ZFAND6: variants seen among roughly 807,000 people sequenced by gnomAD.
ZFAND6 encodes the protein zinc finger AN1-type containing 6.
Under a neutral mutation model 24.5 loss-of-function variants are expected in ZFAND6, and 12 were observed. The observed-to-expected ratio is 0.49, with a 90% confidence interval of 0.31 to 0.79. ZFAND6 has a LOEUF of 0.79. ZFAND6 is among the 30% of genes least tolerant of loss of function. The pLI is 0.04. For synonymous variants in ZFAND6, 92 were observed against 81.5 expected (o/e 1.13, Z -0.69); for missense variants, 207 against 245.9 (o/e 0.84, Z 1.06).
chr15:80,121,970 C>A, intron 4 of ZFAND6, 150 bp downstream of exon 4: 1 of 646,586 alleles, frequency 1.5e-6, no homozygotes, highest in Non-Finnish European at 2.5e-6. Flanking sequence ...TTAGAAAAAG[C>A]GATTTCTTGC....
At chr15:80,115,326 TA>T (rs1342710255) in intron 2 of ZFAND6, among the ~76,000 whole-genome samples, 2 of 152,202 alleles carry the variant, frequency 1.3e-5, no homozygotes, top group Non-Finnish European at 2.9e-5. Flanking sequence ...CTTCAATTCA[TA>T]GGCTTTTGTT....
intron 6 of ZFAND6, among the ~76,000 whole-genome samples, chr15:80,136,123 CAA>C (rs532411226): frequency 8.0e-4 from 94 of 117,698 alleles, no homozygotes; most frequent in Admixed American, 7.8e-4. Context: ...GACCCTGTGT[CAA>C]AAAAAAAAAA....
At chr15:80,086,684 A>T (rs1389045122) in intron 1 of ZFAND6, among the ~76,000 whole-genome samples, 1 of 152,144 alleles carries the variant, frequency 6.6e-6, no homozygotes, top group Non-Finnish European at 1.5e-5. Flanking sequence ...AAAATTTACC[A>T]TTTAAACTGT....
chr15:80,092,891 G>C (rs1184228978), intron 1 of ZFAND6, among the ~76,000 whole-genome samples: 1 of 151,664 alleles, frequency 6.6e-6, no homozygotes, highest in Non-Finnish European at 1.5e-5. Flanking sequence ...AAGTCTTTTG[G>C]TCTCAAAATA....
intron 2 of ZFAND6, chr15:80,111,416 C>G (rs1388517838): frequency 9.3e-6 from 4 of 428,744 alleles, no homozygotes. Flanking sequence ...AGTCAGTCTT[C>G]CTTATTGACA....
intron 1 of ZFAND6, among the ~76,000 whole-genome samples, chr15:80,085,802 C>T (rs2037959927): frequency 6.6e-6 from 1 of 152,002 alleles, no homozygotes; most frequent in South Asian, 2.1e-4. Flanking sequence ...TCATGTGCCA[C>T]ATAATGACAT....
intron 1 of ZFAND6, among the ~76,000 whole-genome samples, chr15:80,088,853 G>A (rs946110832): frequency 1.3e-5 from 2 of 152,122 alleles, no homozygotes; most frequent in African/African-American, 2.4e-5. Flanking sequence ...CAAGTGCTCC[G>A]TAGTTCCACA....
intron 1 of ZFAND6, among the ~76,000 whole-genome samples, chr15:80,080,872 C>G (rs971399110): frequency 1.6e-4 from 24 of 152,208 alleles, no homozygotes; most frequent in Admixed American, 4.6e-4. Context: ...GCAGCCAGAT[C>G]TTGTGAAAAC....
In ZFAND6 at chr15:80,065,926, A is replaced by G. The variant is rs148002332; in HGVS notation, c.-181+6117A>G. Among the ~76,000 whole-genome samples the G allele has an allele frequency of 4.9e-4, 74 of 152,258 alleles. No homozygotes were observed. In the Middle Eastern group the frequency reaches 0.01, roughly 21 times the overall value. On this transcript the variant is annotated intron_variant, in intron 1 of 6. Coordinates refer to ENST00000261749, the MANE Select transcript of ZFAND6 (RefSeq NM_019006.4). ...TAATGAAAAAATGTAATCCTATTGAATGTTCCTCTGAGCATAGCTTTAGCT... is the reference window on the plus strand; with the variant it reads ...TAATGAAAAAATGTAATCCTATTGAGTGTTCCTCTGAGCATAGCTTTAGCT...
intron 5 of ZFAND6, among the ~76,000 whole-genome samples, chr15:80,128,433 CTGTT>C (rs1290263065): frequency 2.0e-5 from 3 of 152,142 alleles, no homozygotes; most frequent in Admixed American, 2.0e-4. Context: ...AGTGAAAAGA[CTGTT>C]TGCTGAAGTG....
intron 2 of ZFAND6, among the ~76,000 whole-genome samples, chr15:80,109,523 C>T (rs1387100441): frequency 6.6e-6 from 1 of 152,080 alleles, no homozygotes; most frequent in East Asian, 1.9e-4. Flanking sequence ...AGTACAAAGG[C>T]CTCAGACAGG....
At chr15:80,076,647 T>C (rs1476484161) in intron 1 of ZFAND6, among the ~76,000 whole-genome samples, 2 of 152,214 alleles carry the variant, frequency 1.3e-5, no homozygotes, top group Non-Finnish European at 2.9e-5. Context: ...AGTAAGTCAA[T>C]TTAGAAAGGC....
intron 6 of ZFAND6, among the ~76,000 whole-genome samples, chr15:80,134,736 A>G (rs954687393): frequency 1.3e-5 from 2 of 152,170 alleles, no homozygotes; most frequent in African/African-American, 4.8e-5. Flanking sequence ...TTAACAGAAG[A>G]TGACTTGATG....
At chr15:80,107,733 C>A (rs2039407865) in intron 2 of ZFAND6, among the ~76,000 whole-genome samples, 1 of 152,038 alleles carries the variant, frequency 6.6e-6, no homozygotes, top group South Asian at 2.1e-4. Flanking sequence ...GCAGGGGAAT[C>A]ACTTGAACCT....
intron 1 of ZFAND6, among the ~76,000 whole-genome samples, chr15:80,079,087 A>G (rs2037474294): frequency 6.9e-6 from 1 of 145,930 alleles, no homozygotes; most frequent in South Asian, 2.2e-4. Context: ...TTTGAGAAGT[A>G]TGTGTTCTTT....
At chr15:80,061,597 A>T (rs2036337871) in intron 1 of ZFAND6, among the ~76,000 whole-genome samples, 1 of 152,110 alleles carries the variant, frequency 6.6e-6, no homozygotes, top group South Asian at 2.1e-4. Flanking sequence ...TGTGGCATTT[A>T]ATTTGTTTTT....
At chr15:80,063,598 T>C (rs549540440) in intron 1 of ZFAND6, among the ~76,000 whole-genome samples, 12 of 151,262 alleles carry the variant, frequency 7.9e-5, no homozygotes, top group African/African-American at 1.5e-4. Flanking sequence ...TACTCTGTTA[T>C]ACAGGCTAGA....
At chr15:80,099,767 C>G (rs2038937336) in intron 2 of ZFAND6, among the ~76,000 whole-genome samples, 1 of 152,094 alleles carries the variant, frequency 6.6e-6, no homozygotes, top group South Asian at 2.1e-4. Context: ...CAGGCATGCG[C>G]CACCATGCCC....
At chr15:80,118,698 C>T (rs2040010930) in intron 2 of ZFAND6, among the ~76,000 whole-genome samples, 2 of 151,940 alleles carry the variant, frequency 1.3e-5, no homozygotes, top group Non-Finnish European at 1.5e-5. Context: ...AAGAAAGATG[C>T]TTGCCAAAAT....
Sources: allele counts gnomAD v4.1 joint callset (sites outside exome capture counted in the v4.1 genomes callset), GRCh38; gene constraint gnomAD v4.1.1; transcripts MANE v1.5; gene names NCBI Gene and HGNC (gene_info 2026-07-23, HGNC 2026-07-21).